The following NYAP2 variants were observed in gnomAD, a reference collection of about 807,000 sequenced individuals.
The protein encoded by NYAP2 is neuronal tyrosine-phosphorylated phosphoinositide-3-kinase adapter 2.
In NYAP2, 23 loss-of-function variants were observed where a neutral mutation model predicts 50.4. That is an observed-to-expected ratio of 0.46 (90% CI 0.33 to 0.65). The LOEUF (loss-of-function observed/expected upper bound fraction) is 0.65, where lower values mean the gene tolerates loss of function less well. NYAP2 is among the 30% of genes least tolerant of loss of function. The pLI, the probability that NYAP2 is intolerant of heterozygous loss-of-function variation, is 0.02. For missense variants in NYAP2, 885 were observed against 861.0 expected, an observed-to-expected ratio of 1.03 and a Z score of -0.35; for synonymous variants, 394 against 365.2, an observed-to-expected ratio of 1.08 and a Z score of -0.90.
intron 3 of NYAP2, among the ~76,000 whole-genome samples, chr2:225,467,810 A>G (rs1202373840): frequency 6.6e-6 from 1 of 152,220 alleles, no homozygotes; most frequent in Non-Finnish European, 1.5e-5. Flanking sequence ...TAACTGAAGT[A>G]TGTAGTATAA....
intron 4 of NYAP2, among the ~76,000 whole-genome samples, chr2:225,546,312 C>T (rs1254514728): frequency 6.6e-6 from 1 of 152,154 alleles, no homozygotes; most frequent in African/African-American, 2.4e-5. Context: ...AGAGATGCCA[C>T]ACGGGAGCCA....
intron 3 of NYAP2, among the ~76,000 whole-genome samples, chr2:225,475,497 G>T (rs1267134140): frequency 1.3e-5 from 2 of 152,144 alleles, no homozygotes; most frequent in South Asian, 4.1e-4. Flanking sequence ...TTTAAATAAG[G>T]TAGGGAAAAA....
At chr2:225,442,558 GTATTT>G (rs752970577) in intron 3 of NYAP2, among the ~76,000 whole-genome samples, 104 of 152,106 alleles carry the variant, frequency 6.8e-4, no homozygotes, top group African/African-American at 2.4e-3. Context: ...AAAGAGGTTT[GTATTT>G]TATTTTATTT....
exon 7 of NYAP2, chr2:225,651,603 T>A: frequency 1.2e-6 from 2 of 1,610,890 alleles, no homozygotes; most frequent in Non-Finnish European, 1.7e-6. Flanking sequence ...TTCCCACCTC[T>A]GTCTGTCCTG....
intron 6 of NYAP2, among the ~76,000 whole-genome samples, chr2:225,640,754 G>T (rs780942844): frequency 4.6e-5 from 7 of 152,074 alleles, no homozygotes; most frequent in Non-Finnish European, 8.8e-5. Flanking sequence ...TGCAAAGTCA[G>T]CTAATTACCT....
At chr2:225,627,000 G>T (rs1160827358) in exon 6 of NYAP2, 1 of 1,590,170 alleles carries the variant, frequency 6.3e-7, no homozygotes, top group Admixed American at 1.8e-5. Flanking sequence ...CCACCATGGG[G>T]CGTCTTCCTC....
chr2:225,487,400 C>A (rs974790245), intron 3 of NYAP2, among the ~76,000 whole-genome samples: 1 of 152,006 alleles, frequency 6.6e-6, no homozygotes, highest in African/African-American at 2.4e-5. Context: ...TGCTCTGTCA[C>A]CCAGGCTGGA....
chr2:225,667,334 C>A, the NYAP2 span, among the ~76,000 whole-genome samples: 1 of 151,950 alleles, frequency 6.6e-6, no homozygotes, highest in Non-Finnish European at 1.5e-5. Context: ...GGTGGGAGGC[C>A]TTTACAGTCA....
chr2:225,549,570 T>A (rs1691637652), intron 4 of NYAP2, among the ~76,000 whole-genome samples: 1 of 152,168 alleles, frequency 6.6e-6, no homozygotes, highest in Non-Finnish European at 1.5e-5. Flanking sequence ...AGTAAACAAT[T>A]TGATATATTT....
At chr2:225,602,658 A>T (rs577537828) in intron 5 of NYAP2, among the ~76,000 whole-genome samples, 317 of 152,268 alleles carry the variant, frequency 2.1e-3, no homozygotes, top group African/African-American at 6.3e-3. Flanking sequence ...GTAAGGTAAG[A>T]GTTCTACTCT....
chr2:225,401,279 T>A (rs1025962121), intron 2 of NYAP2, among the ~76,000 whole-genome samples: 1 of 152,090 alleles, frequency 6.6e-6, no homozygotes, highest in Non-Finnish European at 1.5e-5. Context: ...ATGGAAATGG[T>A]TAAACTAGAT....
At chr2:225,417,659 G>A (rs1695147565) in intron 3 of NYAP2, among the ~76,000 whole-genome samples, 1 of 152,074 alleles carries the variant, frequency 6.6e-6, no homozygotes, top group Non-Finnish European at 1.5e-5. Context: ...TTGGGGCTAA[G>A]TATACCACTC....
intron 3 of NYAP2, among the ~76,000 whole-genome samples, chr2:225,415,838 T>G (rs1574603169): frequency 3.9e-5 from 6 of 152,060 alleles, no homozygotes; most frequent in African/African-American, 1.4e-4. Flanking sequence ...ACTCTACAGG[T>G]AGCACAGAAA....
chr2:225,614,972 C>T (rs1003564324), intron 5 of NYAP2, among the ~76,000 whole-genome samples: 6 of 152,094 alleles, frequency 3.9e-5, no homozygotes, highest in African/African-American at 7.2e-5. Flanking sequence ...TCCAGGTTAT[C>T]GGGAAGTTTC....
intron 4 of NYAP2, among the ~76,000 whole-genome samples, chr2:225,517,343 C>A (rs991949297): frequency 1.3e-5 from 2 of 152,098 alleles, no homozygotes; most frequent in African/African-American, 4.8e-5. Flanking sequence ...GCCCTATGAG[C>A]TGTGTCTCAT....
chr2:225,637,421 G>A (rs6436574), intron 6 of NYAP2, among the ~76,000 whole-genome samples: 79,793 of 151,894 alleles, frequency 0.53, 21,456 homozygotes, highest in Admixed American at 0.66. Flanking sequence ...CCAGAGTTAC[G>A]ACCCTCAAGG....
At chr2:225,455,968 T>C (rs1248498940) in intron 3 of NYAP2, among the ~76,000 whole-genome samples, 1 of 152,220 alleles carries the variant, frequency 6.6e-6, no homozygotes, top group Non-Finnish European at 1.5e-5. Flanking sequence ...TCAGGTATCA[T>C]GTAAATAGTT....
chr2:225,591,462 G>A (rs1195863048), intron 5 of NYAP2, among the ~76,000 whole-genome samples: 2 of 152,260 alleles, frequency 1.3e-5, no homozygotes, highest in Non-Finnish European at 2.9e-5. Flanking sequence ...GAAACTAGTG[G>A]TAAGGATGTG....
At chr2:225,512,868 C>T (rs59872503) in intron 3 of NYAP2, among the ~76,000 whole-genome samples, 40,517 of 125,050 alleles carry the variant, frequency 0.32, 6,635 homozygotes, top group South Asian at 0.47. Context: ...TTCCTTCCTT[C>T]CTTCCTTCCT....
Sources: gnomAD v4.1 joint callset for allele counts (sites outside exome capture counted in the v4.1 genomes callset) on GRCh38, gnomAD v4.1.1 for gene constraint, MANE v1.5 for transcripts, NCBI Gene and HGNC (gene_info 2026-07-23, HGNC 2026-07-21) for gene names.